The following ATRX variants were observed in gnomAD, a reference collection of about 807,000 sequenced individuals.
ATRX encodes the protein ATRX chromatin remodeler.
ATRX carries 12 observed loss-of-function variants against 172.6 expected under a neutral mutation model. That is an observed-to-expected ratio of 0.07 (90% CI 0.04 to 0.11). The LOEUF (loss-of-function observed/expected upper bound fraction) is 0.11. Among genes scored for constraint, ATRX ranks in the 10% least tolerant of loss-of-function variants. The probability of loss-of-function intolerance (pLI) is 1.00; values close to 1 mark genes in which losing one functional copy is unlikely to be tolerated. For missense variants in ATRX, 1,368 were observed against 1,767.4 expected, an observed-to-expected ratio of 0.77 and a Z score of 4.05; for synonymous variants, 674 against 594.7, an observed-to-expected ratio of 1.13 and a Z score of -1.94.
At chrX:77,568,637 A>G (rs2065290085) in intron 28 of ATRX, among the ~76,000 whole-genome samples, 1 of 112,041 alleles carries the variant, frequency 8.9e-6, no homozygotes, top group African/African-American at 3.2e-5. Flanking sequence ...TTAACCTGAT[A>G]CCAAAACCAG....
At chrX:77,703,573 C>A (rs2072653988) in intron 2 of ATRX, among the ~76,000 whole-genome samples, 1 of 112,439 alleles carries the variant, frequency 8.9e-6, no homozygotes, top group African/African-American at 3.2e-5. Context: ...ACAGCCCTGG[C>A]TTGGGGAGCT....
At chrX:77,751,875 A>G (rs936606100) in intron 1 of ATRX, among the ~76,000 whole-genome samples, 24 of 111,439 alleles carry the variant, frequency 2.2e-4, no homozygotes, top group African/African-American at 7.8e-4. Flanking sequence ...ATTGTTCTAT[A>G]TATCTGTTTT....
chrX:77,742,621 G>A (rs1013412560), intron 1 of ATRX, among the ~76,000 whole-genome samples: 25 of 112,000 alleles, frequency 2.2e-4, no homozygotes, highest in African/African-American at 6.8e-4. Flanking sequence ...AGGGAACACA[G>A]GAGTTCAACA....
At chrX:77,617,604 A>G (rs1557097572) in intron 21 of ATRX, among the ~76,000 whole-genome samples, 1 of 111,932 alleles carries the variant, frequency 8.9e-6, no homozygotes, top group African/African-American at 3.3e-5. Flanking sequence ...TGCCTCACAC[A>G]ATACAAATAC....
intron 22 of ATRX, among the ~76,000 whole-genome samples, chrX:77,601,159 T>C (rs1269882148): frequency 9.0e-6 from 1 of 111,232 alleles, no homozygotes; most frequent in African/African-American, 3.3e-5. Context: ...TCGCCAACTA[T>C]GCTCACTCAA....
At chrX:77,672,013 C>T (rs897254397) in intron 10 of ATRX, among the ~76,000 whole-genome samples, 5 of 110,570 alleles carry the variant, frequency 4.5e-5, no homozygotes, top group Admixed American at 9.7e-5. Context: ...ACTGGCTGGA[C>T]ACCTGTGTTA....
At chrX:77,665,517 C>G (rs1047666439) in intron 10 of ATRX, among the ~76,000 whole-genome samples, 25 of 111,433 alleles carry the variant, frequency 2.2e-4, no homozygotes, top group Non-Finnish European at 1.9e-5. Context: ...TCTCAAGATG[C>G]TCCTCAAAGA....
At chrX:77,631,585 A>G (rs1211444442) in intron 19 of ATRX, among the ~76,000 whole-genome samples, 3 of 111,966 alleles carry the variant, frequency 2.7e-5, no homozygotes, top group Non-Finnish European at 5.6e-5. Flanking sequence ...AGGGTATGTC[A>G]CCTCTGGTAT....
chrX:77,742,388 G>A (rs908002746), intron 1 of ATRX, among the ~76,000 whole-genome samples: 4 of 111,607 alleles, frequency 3.6e-5, no homozygotes, highest in African/African-American at 1.3e-4. Context: ...CAATTCTAGC[G>A]GAAACCTCAT....
At chrX:77,667,168 G>A (rs1183510938) in intron 10 of ATRX, among the ~76,000 whole-genome samples, 1 of 110,242 alleles carries the variant, frequency 9.1e-6, no homozygotes, top group Non-Finnish European at 1.9e-5. Context: ...TCTATGTCTG[G>A]CACAGCACTT....
chrX:77,676,137 C>T (rs2070852300), intron 10 of ATRX, 89 bp downstream of exon 10: 11 of 919,745 alleles, frequency 1.2e-5, no homozygotes, highest in Non-Finnish European at 1.5e-5. Flanking sequence ...CTGGTTTTTA[C>T]AACCTGCTTG....
chrX:77,647,497 A>C (rs2068978672), intron 15 of ATRX, among the ~76,000 whole-genome samples: 1 of 112,081 alleles, frequency 8.9e-6, no homozygotes, highest in African/African-American at 3.2e-5. Flanking sequence ...CATGTTAAGA[A>C]ATGAAGAAGC....
chrX:77,548,466 A>G (rs1196708210), intron 30 of ATRX, among the ~76,000 whole-genome samples: 3 of 111,984 alleles, frequency 2.7e-5, no homozygotes, highest in Non-Finnish European at 5.6e-5. Flanking sequence ...ATATGCTTCA[A>G]TTATGAGCAT....
chrX:77,586,206 G>A (rs1289237912), intron 27 of ATRX, among the ~76,000 whole-genome samples: 2 of 112,229 alleles, frequency 1.8e-5, no homozygotes, highest in African/African-American at 6.5e-5. Context: ...TTACCCTGAT[G>A]TAATTATTAT....
At chrX:77,710,301 T>TTA (rs1481883753) in intron 2 of ATRX, among the ~76,000 whole-genome samples, 16 of 74,233 alleles carry the variant, frequency 2.2e-4, no homozygotes, top group African/African-American at 6.8e-4. Context: ...TCCATTTCAA[T>TTA]AAAAAAAAAA....
At chrX:77,520,167 A>G (rs1557040693) in intron 34 of ATRX, among the ~76,000 whole-genome samples, 1 of 111,687 alleles carries the variant, frequency 9.0e-6, no homozygotes, top group African/African-American at 3.3e-5. Flanking sequence ...TGAGAAGGGT[A>G]GCAGGGAGTG....
intron 10 of ATRX, among the ~76,000 whole-genome samples, chrX:77,668,730 C>G (rs1255727803): frequency 2.7e-5 from 3 of 110,214 alleles, no homozygotes; most frequent in African/African-American, 9.9e-5. Flanking sequence ...TATACTAAGT[C>G]TTCCAAAGTA....
intron 30 of ATRX, among the ~76,000 whole-genome samples, chrX:77,530,330 G>A (rs2063529333): frequency 1.8e-5 from 2 of 111,669 alleles, no homozygotes; most frequent in South Asian, 3.7e-4. Context: ...AGAAAGACTG[G>A]GCACAGTGGC....
At chrX:77,722,367 A>AT (rs1411118736) in intron 1 of ATRX, among the ~76,000 whole-genome samples, 4 of 109,840 alleles carry the variant, frequency 3.6e-5, no homozygotes, top group Non-Finnish European at 7.6e-5. Flanking sequence ...CAGCAAAAAA[A>AT]AAATATATAT....
Sources: allele counts gnomAD v4.1 joint callset (sites outside exome capture counted in the v4.1 genomes callset), GRCh38; gene constraint gnomAD v4.1.1; transcripts MANE v1.5; gene names NCBI Gene and HGNC (gene_info 2026-07-23, HGNC 2026-07-21).